Variants in ABHD12B observed in about 807,000 individuals in gnomAD.
The protein encoded by ABHD12B is abhydrolase domain containing 12B.
In ABHD12B, 42 loss-of-function variants were observed where a neutral mutation model predicts 50.4. The observed-to-expected ratio is 0.83, with a 90% CI of 0.65 to 1.08. The LOEUF is 1.08. ABHD12B is among the 50% of genes least tolerant of loss of function. ABHD12B has a pLI of 0.00. For missense variants in ABHD12B, 479 were observed against 447.7 expected, an observed-to-expected ratio of 1.07 and a Z score of -0.63; for synonymous variants, 167 against 160.3, an observed-to-expected ratio of 1.04 and a Z score of -0.32.
intron 9 of ABHD12B, among the ~76,000 whole-genome samples, chr14:50,900,954 G>A (rs1274308409): frequency 6.6e-6 from 1 of 152,204 alleles, no homozygotes; most frequent in African/African-American, 2.4e-5. Flanking sequence ...TTTCCTGTGG[G>A]AACTGGATTA....
intron 9 of ABHD12B, chr14:50,891,427 T>G (rs764477043): frequency 1.3e-5 from 2 of 152,264 alleles, no homozygotes; most frequent in Non-Finnish European, 2.9e-5. Context: ...GTGTTTTTAG[T>G]AGAGACGGGG....
chr14:50,903,423 C>T lies in ABHD12B; in HGVS notation c.898C>T (p.His300Tyr). 6.2e-7 allele frequency: 1 copy of T among 1,612,610 alleles called. No homozygotes were observed. Residue 300 changes from histidine to tyrosine, a missense_variant, in exon 11 of 13, where the codon CAT (histidine) becomes TAT (tyrosine). Transcript: ENST00000337334. ...CCTTTCTTCTCCTCTTCTCATCTTACATGGAGAGGATGACAGGACAGTGCC... is the reference window on the plus strand; with the variant it reads ...CCTTTCTTCTCCTCTTCTCATCTTATATGGAGAGGATGACAGGACAGTGCC... ...KFLSSPLLILHGEDDRTVPLE... is the reference protein window; with the variant it reads ...KFLSSPLLILYGEDDRTVPLE...
chr14:50,881,187 G>A (rs2883961), intron 4 of ABHD12B, among the ~76,000 whole-genome samples: 148,118 of 152,214 alleles, frequency 0.97, 72,192 homozygotes, highest in Middle Eastern at 1. Context: ...GGGCCTGTAT[G>A]ATTATGTTGG....
intron 1 of ABHD12B, among the ~76,000 whole-genome samples, chr14:50,872,825 C>T (rs552352329): frequency 6.6e-6 from 1 of 152,272 alleles, no homozygotes; most frequent in East Asian, 1.9e-4. Context: ...TGTGTTGAAA[C>T]CATAACTTGG....
chr14:50,876,156 G>A (rs911911990), intron 1 of ABHD12B, among the ~76,000 whole-genome samples: 2 of 152,164 alleles, frequency 1.3e-5, no homozygotes, highest in Non-Finnish European at 2.9e-5. Context: ...TGGCAGGGGT[G>A]GTGGGGTGCT....
chr14:50,884,469 C>T (rs561043589), intron 5 of ABHD12B, among the ~76,000 whole-genome samples: 4 of 152,150 alleles, frequency 2.6e-5, no homozygotes, highest in African/African-American at 7.2e-5. Flanking sequence ...TGGGAGGAAG[C>T]GCAGTATTTG....
intron 9 of ABHD12B, among the ~76,000 whole-genome samples, chr14:50,899,720 C>G (rs1277840754): frequency 6.6e-6 from 1 of 151,900 alleles, no homozygotes; most frequent in Non-Finnish European, 1.5e-5. Flanking sequence ...GGTCAGAGTT[C>G]GAGACCAGCC....
rs2050025180 is a variant in ABHD12B at position 50,885,653 on chromosome 14, T to C, written c.526T>C (p.Tyr176His). Reference protein sequence around the residue: ...DGGFHVLSVDYRGFGDSTGKP... With the variant: ...DGGFHVLSVDHRGFGDSTGKP... The stretch of plus-strand genomic sequence containing the variant: ...TGGCTTTCATGTCTTGTCTGTTGAC[T>C]ACAGAGGTATGTGTTAAGAACGGTG... The change falls in exon 6 of 13, where the codon TAC (tyrosine) becomes CAC (histidine). Residue 176 changes from tyrosine to histidine, a missense_variant. Tyr to His is a moderately conservative substitution (Grantham distance 83, BLOSUM62 2). Transcript: ENST00000337334. 1 of 1,614,102 alleles carries C rather than the reference T, an allele frequency of 6.2e-7. No individual in the cohort carries two copies. Among genetic ancestry groups the C allele is most frequent in the Non-Finnish European group, 8.5e-7 (1 of 1,180,048 alleles).
At chr14:50,889,615 C>T (rs59136302) in intron 9 of ABHD12B, among the ~76,000 whole-genome samples, 2,146 of 152,228 alleles carry the variant, frequency 0.014, 47 homozygotes, top group African/African-American at 0.049. Context: ...TCCAGCCTGG[C>T]GACAGAGTGA....
intron 8 of ABHD12B, 54 bp from the exon 9 acceptor site, chr14:50,888,770 T>C: frequency 1.4e-6 from 2 of 1,463,376 alleles, no homozygotes; most frequent in Non-Finnish European, 1.9e-6. Flanking sequence ...CTAGGAAAGA[T>C]GGTATTTGAA....
chr14:50,897,533 T>A (rs1434268802), intron 9 of ABHD12B, among the ~76,000 whole-genome samples: 1 of 152,228 alleles, frequency 6.6e-6, no homozygotes, highest in Non-Finnish European at 1.5e-5. Context: ...GGTTTTTCTA[T>A]CACTTGATCT....
At chr14:50,882,372 G>GTTTTTTTTTTTT (rs1486684470) in intron 5 of ABHD12B, among the ~76,000 whole-genome samples, 3 of 41,620 alleles carry the variant, frequency 7.2e-5, no homozygotes, top group Admixed American at 6.8e-4. Flanking sequence ...CAGAATGTCT[G>GTTTTTTTTTTTT]CTTTTTTTTT....
At chr14:50,897,202 A>G (rs1165303384) in intron 9 of ABHD12B, among the ~76,000 whole-genome samples, 16 of 151,424 alleles carry the variant, frequency 1.1e-4, no homozygotes, top group Admixed American at 1.1e-3. Flanking sequence ...CCTCCCAAGT[A>G]GCTGGGATTA....
chr14:50,880,323 G>T, intron 3 of ABHD12B, 129 bp from the exon 4 acceptor site: 1 of 988,298 alleles, frequency 1.0e-6, no homozygotes, highest in Non-Finnish European at 1.3e-6. Context: ...TTTTATTTTT[G>T]CCATGTGCAT....
chr14:50,877,174 G>T (rs1456191851), intron 1 of ABHD12B, among the ~76,000 whole-genome samples: 1 of 152,204 alleles, frequency 6.6e-6, no homozygotes, highest in Non-Finnish European at 1.5e-5. Context: ...CTCTTCCAGG[G>T]ATCTCATCTC....
chr14:50,893,055 C>G (rs1218793449), intron 9 of ABHD12B: 2 of 152,164 alleles, frequency 1.3e-5, no homozygotes, highest in African/African-American at 4.8e-5. Context: ...AATGTATGGT[C>G]AATTTTGGCA....
Position 50,882,373 on chromosome 14 carries a change from C to CTTTTTTTTTTTTTTTTTT in ABHD12B, c.486+751_486+768dup, listed in dbSNP as rs386381352. 6.8e-4 allele frequency among the ~76,000 whole-genome samples: 56 copies of CTTTTTTTTTTTTTTTTTT among 81,834 alleles called. 11 individuals are homozygous for CTTTTTTTTTTTTTTTTTT. Among genetic ancestry groups the CTTTTTTTTTTTTTTTTTT allele is most frequent in the African/African-American group, 2.7e-3 (52 of 19,318 alleles). 53.7% of individuals were successfully genotyped at this position (81,834 alleles called of 152,430 possible). On this transcript the variant is annotated intron_variant, in intron 5 of 12. Transcript: ENST00000337334. ...ATAGGCTAAAGACACAGAATGTCTG[C>CTTTTTTTTTTTTTTTTTT]TTTTTTTTTTTTTTTTTTTTTGAGA... is the stretch of plus-strand genomic sequence containing the variant.
rs192194437 is a variant in ABHD12B at position 50,894,964 on chromosome 14, C to T, written c.780+6061C>T. Among the ~76,000 whole-genome samples, 1,431 of 147,168 alleles carry T rather than the reference C, an allele frequency of 9.7e-3. 179 individuals carry two copies. The highest frequency in any genetic ancestry group is 0.037 in the African/African-American group (1,356 of 36,784). On this transcript the variant is annotated intron_variant, in intron 9 of 12. Coordinates refer to ENST00000337334, the MANE Select transcript of ABHD12B (RefSeq NM_001206673.2). ...CCTGGTCCTGCTTACAGTTTCGTTCCGTGACTAGCCCTCCCCCACCTGCCC... is the reference window on the plus strand; with the variant it reads ...CCTGGTCCTGCTTACAGTTTCGTTCTGTGACTAGCCCTCCCCCACCTGCCC...
chr14:50,885,539 G>T, intron 5 of ABHD12B, 75 bp from the exon 6 acceptor site: 1 of 1,550,138 alleles, frequency 6.5e-7, no homozygotes, highest in Non-Finnish European at 8.9e-7. Flanking sequence ...ATGTGATATG[G>T]ATGGATATAG....
Sources: gnomAD v4.1 joint callset for allele counts (sites outside exome capture counted in the v4.1 genomes callset) on GRCh38, gnomAD v4.1.1 for gene constraint, MANE v1.5 for transcripts, NCBI Gene and HGNC (gene_info 2026-07-23, HGNC 2026-07-21) for gene names.